NELL1: variants seen among roughly 807,000 people sequenced by gnomAD.
The protein encoded by NELL1 is protein kinase C-binding protein NELL1.
Under a neutral mutation model 107.4 loss-of-function variants are expected in NELL1, and 76 were observed. The ratio of observed to expected loss-of-function variants is 0.71; its 90% CI spans 0.59 to 0.86. NELL1 has a LOEUF of 0.86. NELL1 is among the 40% of genes least tolerant of loss of function. The probability of loss-of-function intolerance (pLI) is 0.00; values close to 1 mark genes in which losing one functional copy is unlikely to be tolerated. For missense variants in NELL1, 1,024 were observed against 1,005.5 expected (o/e 1.02, Z -0.25); for synonymous variants, 353 against 341.2 (o/e 1.03, Z -0.38).
intron 12 of NELL1, among the ~76,000 whole-genome samples, chr11:20,985,793 A>G (rs1851841092): frequency 6.6e-6 from 1 of 152,228 alleles, no homozygotes; most frequent in Non-Finnish European, 1.5e-5. Flanking sequence ...TTATATAATT[A>G]GTGAAATTGT....
chr11:21,490,359 C>T lies in NELL1; in HGVS notation c.1646-44015C>T, dbSNP rs571415558. ...AATTAATATTATTATAATGGCCATACTGTCCAAAGAAATATACAGATTCAA... is the reference window on the plus strand; with the variant it reads ...AATTAATATTATTATAATGGCCATATTGTCCAAAGAAATATACAGATTCAA... On this transcript the variant is annotated intron_variant, in intron 15 of 19. Coordinates refer to ENST00000357134, the MANE Select transcript of NELL1 (RefSeq NM_006157.5). Among the ~76,000 whole-genome samples the T allele has an allele frequency of 7.3e-5, 11 of 150,686 alleles. No individual in the cohort carries two copies. In the East Asian group the frequency reaches 7.8e-4, roughly 11 times the overall value.
intron 14 of NELL1, among the ~76,000 whole-genome samples, chr11:21,267,795 C>A (rs954999802): frequency 6.6e-6 from 1 of 152,090 alleles, no homozygotes; most frequent in Non-Finnish European, 1.5e-5. Flanking sequence ...ATTTATTAAG[C>A]CACCTACTGG....
chr11:20,817,584 C>T (rs1857650929), intron 3 of NELL1, among the ~76,000 whole-genome samples: 1 of 151,914 alleles, frequency 6.6e-6, no homozygotes, highest in Non-Finnish European at 1.5e-5. Context: ...TTTCAAAAAT[C>T]CAATCTTTGG....
At chr11:21,268,799 A>G (rs1848683509) in intron 14 of NELL1, among the ~76,000 whole-genome samples, 1 of 152,226 alleles carries the variant, frequency 6.6e-6, no homozygotes, top group Non-Finnish European at 1.5e-5. Flanking sequence ...GTTTTAAAAC[A>G]TAGAGCAAGT....
chr11:21,487,946 C>T (rs969106419), intron 15 of NELL1, among the ~76,000 whole-genome samples: 1 of 152,092 alleles, frequency 6.6e-6, no homozygotes, highest in East Asian at 1.9e-4. Flanking sequence ...AATATCATTA[C>T]ATAATGATAA....
At chr11:20,894,401 A>G (rs1434855103) in intron 5 of NELL1, among the ~76,000 whole-genome samples, 1 of 152,226 alleles carries the variant, frequency 6.6e-6, no homozygotes, top group African/African-American at 2.4e-5. Flanking sequence ...CTTTTATCCA[A>G]GCTGTATAAA....
chr11:21,116,945 C>T (rs1430192616), intron 13 of NELL1, among the ~76,000 whole-genome samples: 1 of 151,962 alleles, frequency 6.6e-6, no homozygotes, highest in Non-Finnish European at 1.5e-5. Flanking sequence ...AATCAAATCC[C>T]TGTTTCTTAT....
At chr11:20,940,807 CATA>C (rs1382068921) in intron 10 of NELL1, among the ~76,000 whole-genome samples, 1 of 152,158 alleles carries the variant, frequency 6.6e-6, no homozygotes, top group Non-Finnish European at 1.5e-5. Context: ...GACCAGCTGT[CATA>C]ATAAGACTTT....
intron 1 of NELL1, among the ~76,000 whole-genome samples, chr11:20,674,049 TC>T (rs2133845618): frequency 6.6e-6 from 1 of 152,288 alleles, no homozygotes; most frequent in South Asian, 2.1e-4. Context: ...CTAATTGATT[TC>T]TCTTTTTTTG....
chr11:21,074,344 TCAG>T (rs1327298591), intron 12 of NELL1, among the ~76,000 whole-genome samples: 1 of 152,170 alleles, frequency 6.6e-6, no homozygotes, highest in Non-Finnish European at 1.5e-5. Context: ...CAGCTGATAA[TCAG>T]CAGAATCATC....
At chr11:20,788,898 T>C (rs1857021385) in intron 3 of NELL1, among the ~76,000 whole-genome samples, 1 of 152,194 alleles carries the variant, frequency 6.6e-6, no homozygotes, top group Non-Finnish European at 1.5e-5. Flanking sequence ...TAGATGTATT[T>C]TGAGTTAGTT....
intron 1 of NELL1, among the ~76,000 whole-genome samples, chr11:20,675,471 G>T (rs1854031565): frequency 6.6e-6 from 1 of 152,138 alleles, no homozygotes; most frequent in Non-Finnish European, 1.5e-5. Context: ...AGATAATCAG[G>T]TCTTAAGTTG....
intron 14 of NELL1, among the ~76,000 whole-genome samples, chr11:21,233,840 A>G (rs1273145984): frequency 6.6e-6 from 1 of 152,182 alleles, no homozygotes; most frequent in East Asian, 1.9e-4. Flanking sequence ...TTAGCTCTGG[A>G]TAGGATGTGG....
intron 13 of NELL1, among the ~76,000 whole-genome samples, chr11:21,210,050 G>A (rs1184721645): frequency 1.3e-5 from 2 of 152,108 alleles, no homozygotes; most frequent in Admixed American, 1.3e-4. Context: ...TATGAAACCT[G>A]TTGAAGCATC....
chr11:20,829,109 C>A (rs1857948042), intron 3 of NELL1, among the ~76,000 whole-genome samples: 1 of 151,766 alleles, frequency 6.6e-6, no homozygotes, highest in African/African-American at 2.4e-5. Context: ...TAGGAAGTTG[C>A]AAAAATGATA....
intron 2 of NELL1, among the ~76,000 whole-genome samples, chr11:20,755,546 T>TTTATTTTTA (rs1564894982): frequency 2.2e-5 from 1 of 45,532 alleles, no homozygotes; most frequent in Admixed American, 2.5e-4. Context: ...TTTTGTTTTT[T>TTTATTTTTA]TTTGTTTTTG....
chr11:21,227,742 C>A (rs1857931548), intron 13 of NELL1, among the ~76,000 whole-genome samples: 1 of 152,122 alleles, frequency 6.6e-6, no homozygotes, highest in South Asian at 2.1e-4. Context: ...CGTTTGCTAA[C>A]CTGTGCACAT....
intron 3 of NELL1, among the ~76,000 whole-genome samples, chr11:20,822,887 G>T (rs1857790626): frequency 6.6e-6 from 1 of 152,224 alleles, no homozygotes. Flanking sequence ...CTGAATGAAT[G>T]AATGATGCAG....
At chr11:21,343,197 C>G (rs1850613228) in intron 14 of NELL1, among the ~76,000 whole-genome samples, 1 of 151,738 alleles carries the variant, frequency 6.6e-6, no homozygotes, top group Non-Finnish European at 1.5e-5. Flanking sequence ...TCCAGACTCC[C>G]CAGCATGGCA....
Sources: gnomAD v4.1 joint callset for allele counts (sites outside exome capture counted in the v4.1 genomes callset) on GRCh38, gnomAD v4.1.1 for gene constraint, MANE v1.5 for transcripts, NCBI Gene and HGNC (gene_info 2026-07-23, HGNC 2026-07-21) for gene names.